Variants in ENOX1 observed in about 807,000 individuals in gnomAD.
ENOX1 encodes the protein ecto-NOX disulfide-thiol exchanger 1.
Under a neutral mutation model 82.5 loss-of-function variants are expected in ENOX1, and 42 were observed. The observed-to-expected ratio is 0.51, with a 90% CI of 0.40 to 0.66. ENOX1 has a LOEUF of 0.66. Among genes scored for constraint, ENOX1 ranks in the 30% least tolerant of loss-of-function variants. The pLI is 0.00. For synonymous variants in ENOX1, 271 were observed against 282.2 expected, an observed-to-expected ratio of 0.96 and a Z score of 0.40; for missense variants, 608 against 811.6, an observed-to-expected ratio of 0.75 and a Z score of 3.05.
intron 2 of ENOX1, among the ~76,000 whole-genome samples, chr13:43,530,369 A>G (rs574726547): frequency 1.8e-4 from 28 of 152,230 alleles, no homozygotes; most frequent in Admixed American, 8.5e-4. Flanking sequence ...TCTGATAGGA[A>G]CCCACCTGGG....
intron 1 of ENOX1, among the ~76,000 whole-genome samples, chr13:43,696,074 C>T (rs1438271297): frequency 1.3e-5 from 2 of 152,150 alleles, no homozygotes; most frequent in African/African-American, 4.8e-5. Context: ...TTCTTTCACT[C>T]AGCATAATGT....
chr13:43,249,250 A>G (rs1280781283), intron 14 of ENOX1, among the ~76,000 whole-genome samples: 2 of 152,186 alleles, frequency 1.3e-5, no homozygotes, highest in Non-Finnish European at 2.9e-5. Flanking sequence ...ACTATATGCC[A>G]CTGTAGACAT....
chr13:43,451,571 A>C (rs942843608), intron 3 of ENOX1, among the ~76,000 whole-genome samples: 1 of 152,210 alleles, frequency 6.6e-6, no homozygotes, highest in African/African-American at 2.4e-5. Flanking sequence ...ATAAGTGATT[A>C]TTTTATCATA....
intron 2 of ENOX1, among the ~76,000 whole-genome samples, chr13:43,665,421 T>C (rs883877): frequency 0.67 from 101,678 of 151,950 alleles, 34,331 homozygotes; most frequent in African/African-American, 0.74. Context: ...TAATGTTGAG[T>C]TAAGGATGCA....
intron 3 of ENOX1, among the ~76,000 whole-genome samples, chr13:43,440,387 T>C (rs926732177): frequency 3.3e-5 from 5 of 152,234 alleles, no homozygotes; most frequent in African/African-American, 4.8e-5. Context: ...TCTGTATTAA[T>C]AGTGATTACT....
At chr13:43,415,226 T>A (rs2054373154) in intron 3 of ENOX1, among the ~76,000 whole-genome samples, 2 of 130,362 alleles carry the variant, frequency 1.5e-5, no homozygotes, top group African/African-American at 5.6e-5. Flanking sequence ...AGTCTCCCAA[T>A]CCAATGTTTT....
At chr13:43,548,959 A>G (rs920763605) in intron 2 of ENOX1, among the ~76,000 whole-genome samples, 10 of 152,186 alleles carry the variant, frequency 6.6e-5, no homozygotes, top group Non-Finnish European at 1.5e-4. Context: ...ACAACCAAAA[A>G]AAACCCTCTT....
intron 12 of ENOX1, among the ~76,000 whole-genome samples, chr13:43,281,052 CA>C (rs2153490746): frequency 6.6e-6 from 1 of 152,264 alleles, no homozygotes; most frequent in Admixed American, 6.5e-5. Context: ...TGCCCTAATC[CA>C]GGGTCAAGCC....
At chr13:43,689,988 C>A (rs1339179861) in intron 1 of ENOX1, among the ~76,000 whole-genome samples, 1 of 152,128 alleles carries the variant, frequency 6.6e-6, no homozygotes, top group African/African-American at 2.4e-5. Context: ...TTAGAGAATA[C>A]AACAGAGTCT....
At chr13:43,381,487 T>TA (rs1240139532) in intron 5 of ENOX1, among the ~76,000 whole-genome samples, 101 of 138,024 alleles carry the variant, frequency 7.3e-4, no homozygotes, top group East Asian at 3.5e-3. Flanking sequence ...AAAAAAACCT[T>TA]AAAAAAAAAA....
At chr13:43,475,831 C>T (rs1593391708) in intron 3 of ENOX1, among the ~76,000 whole-genome samples, 1 of 145,024 alleles carries the variant, frequency 6.9e-6, no homozygotes, top group East Asian at 2.1e-4. Context: ...GCTTTAATCT[C>T]TTAGAATAGC....
intron 2 of ENOX1, among the ~76,000 whole-genome samples, chr13:43,524,516 A>C (rs1238353231): frequency 6.6e-6 from 1 of 151,960 alleles, no homozygotes; most frequent in Non-Finnish European, 1.5e-5. Flanking sequence ...GGCCACCATC[A>C]TGCCTCCCTG....
chr13:43,302,354 G>C (rs1436898134), intron 11 of ENOX1, among the ~76,000 whole-genome samples: 4 of 152,226 alleles, frequency 2.6e-5, no homozygotes, highest in African/African-American at 9.6e-5. Context: ...TAATTCACCA[G>C]CCACCCATTT....
At chr13:43,498,637 A>G (rs77406667) in intron 2 of ENOX1, among the ~76,000 whole-genome samples, 2,862 of 152,196 alleles carry the variant, frequency 0.019, 39 homozygotes, top group Middle Eastern at 0.048. Context: ...ATTTAAAAAA[A>G]AAGATGGAAT....
intron 5 of ENOX1, among the ~76,000 whole-genome samples, chr13:43,368,161 A>G (rs113536499): frequency 4.6e-5 from 7 of 152,342 alleles, no homozygotes; most frequent in African/African-American, 1.7e-4. Flanking sequence ...TATGTTTTTC[A>G]TTTAAACCTA....
chr13:43,512,634 T>C (rs896404313), intron 2 of ENOX1, among the ~76,000 whole-genome samples: 2 of 151,758 alleles, frequency 1.3e-5, no homozygotes, highest in African/African-American at 4.8e-5. Context: ...TTTTTTTTTT[T>C]TTCCCATTTT....
chr13:43,607,215 T>C (rs757478151), intron 2 of ENOX1, among the ~76,000 whole-genome samples: 2 of 152,112 alleles, frequency 1.3e-5, no homozygotes, highest in Non-Finnish European at 2.9e-5. Flanking sequence ...ATGTACCCCT[T>C]AAATGTGTAC....
At chr13:43,405,126 G>A (rs905217187) in intron 5 of ENOX1, among the ~76,000 whole-genome samples, 4 of 152,206 alleles carry the variant, frequency 2.6e-5, no homozygotes, top group African/African-American at 9.7e-5. Context: ...AGACAGTCCT[G>A]AGTGTATTTG....
chr13:43,297,878 A>G (rs2046363795), intron 12 of ENOX1, among the ~76,000 whole-genome samples: 1 of 152,236 alleles, frequency 6.6e-6, no homozygotes, highest in African/African-American at 2.4e-5. Flanking sequence ...TAATGTGCTC[A>G]AAGAACCTGA....
Sources: gnomAD v4.1 joint callset for allele counts (sites outside exome capture counted in the v4.1 genomes callset) on GRCh38, gnomAD v4.1.1 for gene constraint, MANE v1.5 for transcripts, NCBI Gene and HGNC (gene_info 2026-07-23, HGNC 2026-07-21) for gene names.